Variants in RAD54B observed in about 807,000 individuals in gnomAD.
RAD54B encodes the protein RAD54 homolog B, also known as DNA repair and recombination protein RAD54B.
A neutral mutation model predicts 95.8 loss-of-function variants in RAD54B; 78 were observed. The ratio of observed to expected loss-of-function variants is 0.81; its 90% CI spans 0.68 to 0.98. The LOEUF is 0.98. RAD54B is among the 50% of genes least tolerant of loss of function. RAD54B has a pLI of 0.00. For synonymous variants in RAD54B, 328 were observed against 354.9 expected (o/e 0.92, Z 0.85); for missense variants, 957 against 1,056.6 (o/e 0.91, Z 1.31).
chr8:94,459,904 A>C (rs1812865987), intron 2 of RAD54B, among the ~76,000 whole-genome samples: 1 of 151,518 alleles, frequency 6.6e-6, no homozygotes, highest in Non-Finnish European at 1.5e-5. Context: ...CACACCTGTA[A>C]TCCCAGCACT....
At chr8:94,426,500 G>A (rs895675079) in intron 3 of RAD54B, among the ~76,000 whole-genome samples, 1 of 152,090 alleles carries the variant, frequency 6.6e-6, no homozygotes, top group Non-Finnish European at 1.5e-5. Flanking sequence ...GTATATTTAT[G>A]CAATGGAATA....
intron 14 of RAD54B, 60 bp downstream of exon 14, chr8:94,378,120 A>C: frequency 8.0e-7 from 1 of 1,254,602 alleles, no homozygotes; most frequent in Non-Finnish European, 1.1e-6. Context: ...AATATTTTCA[A>C]CTGCTAACAA....
rs1362487729 is a variant in RAD54B at position 94,414,920 on chromosome 8, T to C, written c.305-3605A>G. ...TGCTCATGGGTAGGAAGAATCAATA[T>C]TGTGAAAACGGCCATACTGCCCAAA... On this transcript the variant is annotated intron_variant, in intron 3 of 14. Coordinates refer to ENST00000336148, the MANE Select transcript of RAD54B (RefSeq NM_012415.3). 2.6e-5 allele frequency among the ~76,000 whole-genome samples: 4 copies of C among 152,174 alleles called. No homozygotes were observed. In the East Asian group the frequency reaches 5.8e-4, roughly 22 times the overall value.
At chr8:94,470,907 A>G (rs1363428316) in intron 1 of RAD54B, among the ~76,000 whole-genome samples, 1 of 152,194 alleles carries the variant, frequency 6.6e-6, no homozygotes, top group Non-Finnish European at 1.5e-5. Flanking sequence ...ACCAAAATCG[A>G]GTCAGTACTA....
chr8:94,458,424 TA>T lies in RAD54B; in HGVS notation c.147del (p.Asn50IlefsTer16). On this transcript the variant is annotated frameshift_variant, in exon 3 of 15. Coordinates refer to ENST00000336148, the MANE Select transcript of RAD54B (RefSeq NM_012415.3). LOFTEE classifies it high-confidence loss of function. ...TTTTGTGACGGGAGAAAGGTGTTAT[TA>T]ATTGCAACACCCTAAAAGAAACAAA... ...PDIKLFEGVA[I>X]NNTFLPSQND... 1 of 1,587,938 alleles carries T rather than the reference TA, an allele frequency of 6.3e-7. No homozygotes were observed. The highest frequency in any genetic ancestry group is 8.5e-7 in the Non-Finnish European group (1 of 1,170,258).
intron 2 of RAD54B, among the ~76,000 whole-genome samples, chr8:94,459,577 A>G (rs192142522): frequency 6.6e-6 from 1 of 152,002 alleles, no homozygotes; most frequent in Admixed American, 6.6e-5. Context: ...ATGAAACAAG[A>G]GGCCGGGCGC....
chr8:94,442,279 A>G (rs1477100128), intron 3 of RAD54B, among the ~76,000 whole-genome samples: 1 of 152,152 alleles, frequency 6.6e-6, no homozygotes, highest in Non-Finnish European at 1.5e-5. Context: ...ATGGGTACAA[A>G]AGTACAGTTA....
chr8:94,381,190 C>A (rs1278767481), intron 11 of RAD54B, among the ~76,000 whole-genome samples: 1 of 152,154 alleles, frequency 6.6e-6, no homozygotes, highest in African/African-American at 2.4e-5. Flanking sequence ...CCTTTTCCTG[C>A]CAACTACTAG....
intron 12 of RAD54B, among the ~76,000 whole-genome samples, chr8:94,379,826 A>T (rs1452383247): frequency 6.6e-6 from 1 of 152,210 alleles, no homozygotes; most frequent in African/African-American, 2.4e-5. Flanking sequence ...GGTCATGAAC[A>T]CCCTAAAGGC....
chr8:94,380,304 G>T lies in RAD54B; in HGVS notation c.2088C>A (p.Ile696=), dbSNP rs367565985. The change falls in exon 12 of 15, where the codon ATC becomes ATA. Residue 696 remains isoleucine, a synonymous_variant. Coordinates refer to ENST00000336148, the MANE Select transcript of RAD54B (RefSeq NM_012415.3). ...AYTRLDGQTP[I]SQRQQIVDGF... is the part of the protein sequence containing the mutation. ...CATCAACAATCTGCTGCCTTTGAGA[G>T]ATTGGTGTTTGTCCATCAAGTCTTG... is the stretch of plus-strand genomic sequence containing the variant. 64 of 1,613,972 alleles carry T rather than the reference G, an allele frequency of 4.0e-5. No homozygotes were observed. Among genetic ancestry groups the T allele is most frequent in the Non-Finnish European group, 5.2e-5 (61 of 1,179,998 alleles).
intron 9 of RAD54B, 36 bp downstream of exon 9, chr8:94,393,707 G>T: frequency 6.6e-7 from 1 of 1,505,604 alleles, no homozygotes; most frequent in Non-Finnish European, 9.1e-7. Context: ...CAGACATACG[G>T]CTTTTTAAAA....
Position 94,391,836 on chromosome 8 carries a change from G to T in RAD54B, c.1582C>A (p.Leu528Ile). ...ELTCLTGLFI[L>I]RRTQEIINKY... ...TTTATAATTTCTTGGGTTCTTCTAA[G>T]GATAAAGAGTCCAGTGAGGCAAGTA... The change falls in exon 10 of 15, where the codon CTT becomes ATT. Residue 528 changes from leucine to isoleucine, a missense_variant. Leu to Ile is a conservative substitution (Grantham distance 5). Coordinates refer to ENST00000336148, the MANE Select transcript of RAD54B (RefSeq NM_012415.3). The T allele has an allele frequency of 6.2e-7, 1 of 1,613,830 alleles. No homozygotes were observed. The highest frequency in any genetic ancestry group is 8.5e-7 in the Non-Finnish European group (1 of 1,179,942).
In RAD54B at chr8:94,458,440, A is replaced by G. The variant is rs1250641577; in HGVS notation, c.136-4T>C. 1 of 1,550,846 alleles carries G rather than the reference A, an allele frequency of 6.4e-7. No homozygotes were observed. The highest frequency in any genetic ancestry group is 2.1e-5 in the Admixed American group (1 of 46,558). On this transcript the variant is annotated splice_region_variant and splice_polypyrimidine_tract_variant and intron_variant, in intron 2 of 14. Coordinates refer to ENST00000336148, the MANE Select transcript of RAD54B (RefSeq NM_012415.3). ...AGGTGTTATTAATTGCAACACCCTA[A>G]AAGAAACAAATATATATTTAAATCA...
intron 11 of RAD54B, among the ~76,000 whole-genome samples, chr8:94,386,631 T>C (rs1039791660): frequency 1.3e-5 from 2 of 152,012 alleles, no homozygotes; most frequent in Non-Finnish European, 2.9e-5. Context: ...ACAGGGAGTA[T>C]AGCACTCAGG....
intron 4 of RAD54B, among the ~76,000 whole-genome samples, chr8:94,408,568 T>C (rs888802224): frequency 3.3e-5 from 5 of 152,180 alleles, no homozygotes; most frequent in Non-Finnish European, 7.4e-5. Flanking sequence ...AGTTGAAAAT[T>C]ACTAAAATTT....
chr8:94,440,957 C>T (rs902662392), intron 3 of RAD54B, among the ~76,000 whole-genome samples: 8 of 152,174 alleles, frequency 5.3e-5, no homozygotes, highest in African/African-American at 1.9e-4. Context: ...CAAAACCAGG[C>T]CTGGGCCTGC....
Position 94,392,141 on chromosome 8 carries a change from T to A in RAD54B, c.1519-242A>T, listed in dbSNP as rs1321714142. Among the ~76,000 whole-genome samples, 7 of 152,364 alleles carry A rather than the reference T, an allele frequency of 4.6e-5. No individual in the cohort carries two copies. In the East Asian group the frequency reaches 1.3e-3, roughly 29 times the overall value. On this transcript the variant is annotated intron_variant, in intron 9 of 14. Transcript: ENST00000336148. ...ACAAAATAATGATATATCCTATAAT[T>A]GGTAGAATCTTAGAGTCAATGAAAT...
At chr8:94,415,030 T>C (rs1331768040) in intron 3 of RAD54B, among the ~76,000 whole-genome samples, 1 of 151,858 alleles carries the variant, frequency 6.6e-6, no homozygotes. Flanking sequence ...AAAGTTCATA[T>C]GGAACCAAAA....
At chr8:94,457,027 G>C (rs574155351) in intron 3 of RAD54B, among the ~76,000 whole-genome samples, 1 of 152,158 alleles carries the variant, frequency 6.6e-6, no homozygotes, top group Non-Finnish European at 1.5e-5. Context: ...GCAGGGAAGA[G>C]AATGAGAAAC....
Sources: allele counts gnomAD v4.1 joint callset (sites outside exome capture counted in the v4.1 genomes callset), GRCh38; gene constraint gnomAD v4.1.1; transcripts MANE v1.5; gene names NCBI Gene and HGNC (gene_info 2026-07-23, HGNC 2026-07-21).